The following DOCK3 variants were observed in gnomAD, a reference collection of about 807,000 sequenced individuals.
DOCK3 encodes dedicator of cytokinesis protein 3.
A neutral mutation model predicts 265.6 loss-of-function variants in DOCK3; 60 were observed. The ratio of observed to expected loss-of-function variants is 0.23; its 90% CI spans 0.18 to 0.28. The LOEUF (loss-of-function observed/expected upper bound fraction) is 0.28. Ranked by LOEUF, DOCK3 falls within the 10% of genes least tolerant of loss-of-function variation. DOCK3 has a pLI of 1.00. For missense variants in DOCK3, 1,981 were observed against 2,594.3 expected (o/e 0.76, Z 5.14); for synonymous variants, 881 against 938.0 (o/e 0.94, Z 1.11).
chr3:51,286,189 C>A (rs1475917230), intron 27 of DOCK3, among the ~76,000 whole-genome samples: 1 of 151,972 alleles, frequency 6.6e-6, no homozygotes, highest in Non-Finnish European at 1.5e-5. Context: ...CAAGCTGAGC[C>A]AAATTAAGAA....
chr3:51,180,235 C>G (rs1390136736), intron 12 of DOCK3, among the ~76,000 whole-genome samples: 3 of 148,360 alleles, frequency 2.0e-5, no homozygotes, highest in Non-Finnish European at 1.5e-5. Context: ...AACACACACA[C>G]ACACACAAGT....
chr3:50,807,912 G>C (rs1363038319), intron 2 of DOCK3, among the ~76,000 whole-genome samples: 3 of 152,016 alleles, frequency 2.0e-5, no homozygotes, highest in Non-Finnish European at 4.4e-5. Context: ...ACCATGTCTA[G>C]GTAATTTTTA....
chr3:51,293,526 T>C (rs1375059416), intron 27 of DOCK3, among the ~76,000 whole-genome samples: 2 of 152,046 alleles, frequency 1.3e-5, no homozygotes, highest in African/African-American at 2.4e-5. Context: ...GAAGAAAACA[T>C]AGGGGAAAAC....
chr3:51,054,307 ATTG>A (rs2081120477), intron 5 of DOCK3, among the ~76,000 whole-genome samples: 1 of 152,052 alleles, frequency 6.6e-6, no homozygotes, highest in African/African-American at 2.4e-5. Flanking sequence ...AGCTTCCAGT[ATTG>A]TTGTTGAGAT....
At chr3:50,783,337 CTTTTT>C (rs563080520) in intron 2 of DOCK3, among the ~76,000 whole-genome samples, 1 of 149,050 alleles carries the variant, frequency 6.7e-6, no homozygotes. Flanking sequence ...GTGCCAATAT[CTTTTT>C]TTTTTATTTT....
At chr3:50,778,349 A>G (rs1387715282) in intron 1 of DOCK3, among the ~76,000 whole-genome samples, 1 of 152,106 alleles carries the variant, frequency 6.6e-6, no homozygotes, top group African/African-American at 2.4e-5. Context: ...TTCTTAAGTA[A>G]TTGATACAAA....
intron 5 of DOCK3, among the ~76,000 whole-genome samples, chr3:50,961,277 A>AT (rs1236007209): frequency 6.6e-6 from 1 of 152,178 alleles, no homozygotes; most frequent in Non-Finnish European, 1.5e-5. Context: ...TAGTTGGCAG[A>AT]TTTTTTCTGT....
intron 1 of DOCK3, among the ~76,000 whole-genome samples, chr3:50,683,842 C>T (rs1306647639): frequency 2.6e-5 from 3 of 116,018 alleles, no homozygotes; most frequent in African/African-American, 6.4e-5. Flanking sequence ...CTCCTCCCCC[C>T]CCCCCACCCA....
chr3:50,907,984 C>G (rs911573398), intron 4 of DOCK3, among the ~76,000 whole-genome samples: 7 of 151,950 alleles, frequency 4.6e-5, no homozygotes, highest in African/African-American at 1.7e-4. Context: ...TTCATTTCTT[C>G]TAGATTTTCT....
chr3:51,098,377 T>C (rs1322495330), intron 9 of DOCK3, among the ~76,000 whole-genome samples: 2 of 152,182 alleles, frequency 1.3e-5, no homozygotes, highest in Non-Finnish European at 2.9e-5. Context: ...CTTACTCTCT[T>C]GGAGTTTTTT....
chr3:50,836,219 G>T (rs1264000925), intron 2 of DOCK3, among the ~76,000 whole-genome samples: 1 of 152,222 alleles, frequency 6.6e-6, no homozygotes, highest in Non-Finnish European at 1.5e-5. Context: ...CCCCGGGGGG[G>T]ACTCCATGTG....
At chr3:51,079,848 C>T (rs2082168901) in intron 7 of DOCK3, among the ~76,000 whole-genome samples, 1 of 152,182 alleles carries the variant, frequency 6.6e-6, no homozygotes, top group Non-Finnish European at 1.5e-5. Flanking sequence ...TCAAAAATTA[C>T]ATAATATGAG....
chr3:51,363,198 G>T (rs1406935506), intron 49 of DOCK3, among the ~76,000 whole-genome samples: 2 of 152,230 alleles, frequency 1.3e-5, no homozygotes, highest in East Asian at 3.8e-4. Flanking sequence ...TTCTTGTTCA[G>T]TTGAATGAAT....
intron 23 of DOCK3, among the ~76,000 whole-genome samples, chr3:51,261,725 G>A (rs997914740): frequency 6.6e-6 from 1 of 152,196 alleles, no homozygotes; most frequent in African/African-American, 2.4e-5. Context: ...AGCTTGGTCA[G>A]GGGAGGAGCA....
At position 51,310,216 on chromosome 3, in the gene DOCK3, T is replaced by C. The variant is rs146900221; in HGVS notation, c.2923-16T>C. 7.3e-3 allele frequency: 11,502 copies of C among 1,581,324 alleles called. 60 individuals are homozygous for C. The highest frequency in any genetic ancestry group is 9.6e-3 in the Middle Eastern group (58 of 6,012). On this transcript the variant is annotated splice_polypyrimidine_tract_variant and intron_variant, in intron 27 of 52. Coordinates refer to ENST00000266037, the MANE Select transcript of DOCK3 (RefSeq NM_004947.5). ...TGTGGTGGTGGTGTCTCACATCAGC[T>C]TTCCTCTGCTGTCAGGAATTTCTGC...
intron 4 of DOCK3, among the ~76,000 whole-genome samples, chr3:50,920,757 G>T (rs2050407007): frequency 6.6e-6 from 1 of 152,058 alleles, no homozygotes; most frequent in Non-Finnish European, 1.5e-5. Context: ...CTTCAGTTCT[G>T]CTCTGATCTT....
chr3:51,092,742 C>T (rs2082684450), intron 9 of DOCK3, among the ~76,000 whole-genome samples: 1 of 152,216 alleles, frequency 6.6e-6, no homozygotes, highest in Non-Finnish European at 1.5e-5. Context: ...TAAGGGCCTA[C>T]AGACACCTTA....
chr3:50,774,312 G>C (rs564138679), intron 1 of DOCK3, among the ~76,000 whole-genome samples: 4 of 152,010 alleles, frequency 2.6e-5, no homozygotes, highest in Admixed American at 6.5e-5. Flanking sequence ...AATTTAGGGA[G>C]AATATATATT....
At chr3:51,100,654 C>G (rs2083046220) in intron 9 of DOCK3, among the ~76,000 whole-genome samples, 1 of 152,154 alleles carries the variant, frequency 6.6e-6, no homozygotes, top group Admixed American at 6.5e-5. Flanking sequence ...ACCATTAAAA[C>G]AAAAATACTA....
Sources: allele counts gnomAD v4.1 joint callset (sites outside exome capture counted in the v4.1 genomes callset), GRCh38; gene constraint gnomAD v4.1.1; transcripts MANE v1.5; gene names NCBI Gene and HGNC (gene_info 2026-07-23, HGNC 2026-07-21).